INPP4B: variants seen among roughly 807,000 people sequenced by gnomAD.
INPP4B encodes inositol polyphosphate-4-phosphatase type II B, also known as inositol polyphosphate 4-phosphatase type II.
A neutral mutation model predicts 122.5 loss-of-function variants in INPP4B; 55 were observed. The observed-to-expected ratio is 0.45, with a 90% CI of 0.36 to 0.56. The LOEUF is 0.56. INPP4B is among the 20% of genes least tolerant of loss of function. INPP4B has a pLI of 0.00. For missense variants in INPP4B, 1,000 were observed against 1,097.7 expected, an observed-to-expected ratio of 0.91 and a Z score of 1.26; for synonymous variants, 403 against 388.7, an observed-to-expected ratio of 1.04 and a Z score of -0.43.
chr4:142,207,035 A>G (rs1357056045), intron 14 of INPP4B, among the ~76,000 whole-genome samples: 1 of 152,122 alleles, frequency 6.6e-6, no homozygotes, highest in Non-Finnish European at 1.5e-5. Flanking sequence ...TCCTCATATA[A>G]GTAATATTAT....
intron 2 of INPP4B, among the ~76,000 whole-genome samples, chr4:142,628,647 T>A (rs573270054): frequency 6.6e-6 from 1 of 151,276 alleles, no homozygotes; most frequent in Admixed American, 6.6e-5. Flanking sequence ...CATGGATGCG[T>A]AGGTTATTTA....
In INPP4B at chr4:142,104,680, G is replaced by C. The variant is rs372844225; in HGVS notation, c.2374+3413C>G. ...CATCAGATATACAAGTTGTCCCTTGGTACCCAAGGAGGATTGGATCCAAGA... is the reference window on the plus strand; with the variant it reads ...CATCAGATATACAAGTTGTCCCTTGCTACCCAAGGAGGATTGGATCCAAGA... On this transcript the variant is annotated intron_variant, in intron 23 of 25. Coordinates refer to ENST00000262992, the MANE Select transcript of INPP4B (RefSeq NM_001101669.3). Among the ~76,000 whole-genome samples, 3 of 152,122 alleles carry C rather than the reference G, an allele frequency of 2.0e-5. No homozygotes were observed. The East Asian group carries it at 5.8e-4, about 30-fold the overall frequency.
At chr4:142,244,595 G>GC (rs1726943489) in intron 11 of INPP4B, among the ~76,000 whole-genome samples, 1 of 151,942 alleles carries the variant, frequency 6.6e-6, no homozygotes, top group South Asian at 2.1e-4. Flanking sequence ...GAGCCACCAT[G>GC]CCCAGCCCAC....
chr4:142,146,103 T>G, intron 17 of INPP4B, 107 bp from the exon 18 acceptor site: 2 of 1,236,214 alleles, frequency 1.6e-6, no homozygotes, highest in Non-Finnish European at 2.3e-6. Context: ...GTCATTAGAA[T>G]GCAGATTGAG....
intron 17 of INPP4B, among the ~76,000 whole-genome samples, chr4:142,149,684 G>A (rs1812750132): frequency 6.6e-6 from 1 of 152,216 alleles, no homozygotes; most frequent in Non-Finnish European, 1.5e-5. Context: ...CCTAGGATAA[G>A]AGATAAGTCT....
chr4:142,201,628 G>T (rs939403921), intron 14 of INPP4B, among the ~76,000 whole-genome samples: 1 of 151,824 alleles, frequency 6.6e-6, no homozygotes, highest in Non-Finnish European at 1.5e-5. Flanking sequence ...ATTCTTAGCT[G>T]GGGCAGTTGT....
Position 142,702,587 on chromosome 4 carries a change from G to A in INPP4B, c.-191+23252C>T, listed in dbSNP as rs534675785. The stretch of plus-strand genomic sequence containing the variant: ...CTAAAATTGAAATACAAAATTAGCT[G>A]GGCGTGGTGGTGCATGCCTGTAATC... On this transcript the variant is annotated intron_variant, in intron 2 of 25. Coordinates refer to ENST00000262992, the MANE Select transcript of INPP4B (RefSeq NM_001101669.3). Among the ~76,000 whole-genome samples the A allele has an allele frequency of 7.9e-5, 12 of 152,056 alleles. No individual in the cohort carries two copies. In the South Asian group the frequency reaches 1.9e-3, roughly 24 times the overall value.
intron 25 of INPP4B, among the ~76,000 whole-genome samples, chr4:142,043,562 G>A (rs1474032670): frequency 1.3e-5 from 2 of 152,076 alleles, no homozygotes. Context: ...GAAAGCCATG[G>A]AAAGAAGAAT....
intron 2 of INPP4B, among the ~76,000 whole-genome samples, chr4:142,551,478 A>G (rs984771729): frequency 6.6e-6 from 1 of 152,224 alleles, no homozygotes; most frequent in African/African-American, 2.4e-5. Flanking sequence ...AAAAATGTCC[A>G]AAAGCACATT....
intron 2 of INPP4B, among the ~76,000 whole-genome samples, chr4:142,629,038 C>T (rs1160551509): frequency 6.6e-6 from 1 of 151,972 alleles, no homozygotes; most frequent in Non-Finnish European, 1.5e-5. Context: ...ATTAATAATC[C>T]AGAAACAGAA....
intron 11 of INPP4B, among the ~76,000 whole-genome samples, chr4:142,246,554 A>G (rs1283297939): frequency 6.6e-6 from 1 of 152,042 alleles, no homozygotes; most frequent in Non-Finnish European, 1.5e-5. Context: ...TTCTCTTTGT[A>G]GCAATTGTGA....
chr4:142,320,561 C>A (rs1769604232), intron 7 of INPP4B, among the ~76,000 whole-genome samples: 1 of 152,152 alleles, frequency 6.6e-6, no homozygotes, highest in Admixed American at 6.5e-5. Flanking sequence ...TGGATAATTT[C>A]TTTGGTGGTG....
chr4:142,834,759 C>T (rs2151193169), intron 1 of INPP4B, among the ~76,000 whole-genome samples: 1 of 152,254 alleles, frequency 6.6e-6, no homozygotes, highest in African/African-American at 2.4e-5. Context: ...CTCACATGCA[C>T]TCTTTATCAG....
chr4:142,294,641 G>T (rs1011649561), intron 9 of INPP4B, among the ~76,000 whole-genome samples: 1 of 151,154 alleles, frequency 6.6e-6, no homozygotes, highest in African/African-American at 2.4e-5. Flanking sequence ...ATGAGAATAG[G>T]GATCCCAGAG....
intron 12 of INPP4B, among the ~76,000 whole-genome samples, chr4:142,212,292 C>T (rs1845264981): frequency 1.3e-5 from 2 of 152,134 alleles, no homozygotes; most frequent in Non-Finnish European, 2.9e-5. Flanking sequence ...ATATGCAATC[C>T]TCCAACTAGT....
intron 14 of INPP4B, among the ~76,000 whole-genome samples, chr4:142,206,244 C>T (rs1039125168): frequency 2.0e-5 from 3 of 152,036 alleles, no homozygotes; most frequent in Non-Finnish European, 4.4e-5. Flanking sequence ...TAGGTCTCAC[C>T]TCCCAACATT....
At chr4:142,029,502 C>T (rs1442644627) in intron 25 of INPP4B, 1 of 985,506 alleles carries the variant, frequency 1.0e-6, no homozygotes. Context: ...AATGGTACAT[C>T]AAGACACAAA....
intron 2 of INPP4B, among the ~76,000 whole-genome samples, chr4:142,608,142 AAT>A (rs1202341841): frequency 6.6e-6 from 1 of 152,182 alleles, no homozygotes; most frequent in East Asian, 1.9e-4. Flanking sequence ...ATTGTCTTCT[AAT>A]TATAAACAGT....
chr4:142,334,155 G>A (rs956822948), intron 7 of INPP4B, among the ~76,000 whole-genome samples: 3 of 152,036 alleles, frequency 2.0e-5, no homozygotes, highest in African/African-American at 7.3e-5. Context: ...TGCCCTCAAG[G>A]TTCATCCATT....
Sources: gnomAD v4.1 joint callset for allele counts (sites outside exome capture counted in the v4.1 genomes callset) on GRCh38, gnomAD v4.1.1 for gene constraint, MANE v1.5 for transcripts, NCBI Gene and HGNC (gene_info 2026-07-23, HGNC 2026-07-21) for gene names.